The following PLXNC1 variants were observed in gnomAD, a reference collection of about 807,000 sequenced individuals.
The protein encoded by PLXNC1 is plexin-C1.
In PLXNC1, 75 loss-of-function variants were observed where a neutral mutation model predicts 178.2. That is an observed-to-expected ratio of 0.42 (90% CI 0.35 to 0.51). The LOEUF is 0.51. Among genes scored for constraint, PLXNC1 ranks in the 20% least tolerant of loss-of-function variants. PLXNC1 has a pLI of 0.02. For missense variants in PLXNC1, 1,503 were observed against 1,984.4 expected (o/e 0.76, Z 4.61); for synonymous variants, 790 against 779.9 (o/e 1.01, Z -0.22).
At chr12:94,236,431 G>A (rs75029891) in intron 9 of PLXNC1, among the ~76,000 whole-genome samples, 1,982 of 152,310 alleles carry the variant, frequency 0.013, 44 homozygotes, top group African/African-American at 0.045. Context: ...GTACAAAGGA[G>A]CAGAGGATAC....
intron 5 of PLXNC1, among the ~76,000 whole-genome samples, chr12:94,212,378 A>T (rs1459466001): frequency 6.6e-6 from 1 of 151,948 alleles, no homozygotes; most frequent in Non-Finnish European, 1.5e-5. Flanking sequence ...CACAACGTGC[A>T]GTTTTGTTAC....
rs756347136 is a variant in PLXNC1, at chr12:94,247,957, A to G, written c.2443A>G (p.Ser815Gly). The G allele has an allele frequency of 3.1e-6, 5 of 1,614,198 alleles. No individual in the cohort carries two copies. The Admixed American group carries it at 5.0e-5, about 16-fold the overall frequency. Residue 815 changes from serine (S) to glycine (G), a missense_variant, in exon 13 of 31, where the codon AGT (serine) becomes GGT (glycine). Physicochemically the swap from Ser to Gly is moderately conservative, Grantham distance 56 (BLOSUM62 0). Coordinates refer to ENST00000258526, the MANE Select transcript of PLXNC1 (RefSeq NM_005761.3). ...CGGGTTTTTAGCCCCCAGTTTAAAG[A>G]GTTCAAAAGTGCGCACGAATGTCAC... ...YCGFLAPSLK[S>G]SKVRTNVTVK...
At chr12:94,178,375 T>C (rs967899051) in intron 2 of PLXNC1, among the ~76,000 whole-genome samples, 6 of 152,368 alleles carry the variant, frequency 3.9e-5, no homozygotes, top group Admixed American at 1.3e-4. Flanking sequence ...GCTTTTGCCA[T>C]GATGAATTCC....
At chr12:94,300,553 A>AC (rs1294709627) in intron 27 of PLXNC1, among the ~76,000 whole-genome samples, 1 of 152,184 alleles carries the variant, frequency 6.6e-6, no homozygotes, top group Non-Finnish European at 1.5e-5. Flanking sequence ...CAGAGGAGAG[A>AC]CATGGTCTGA....
chr12:94,305,643 G>T lies in PLXNC1; in HGVS notation c.*358G>T, dbSNP rs1169426147. Reference sequence around the variant, plus strand: ...TGAAAACTACAGCTATGTAGCACTTGTGCTACACTGCACCTCTGCATTGTA... The same window carrying T: ...TGAAAACTACAGCTATGTAGCACTTTTGCTACACTGCACCTCTGCATTGTA... On this transcript the variant is annotated 3_prime_UTR_variant, in exon 31 of 31. Coordinates refer to ENST00000258526, the MANE Select transcript of PLXNC1 (RefSeq NM_005761.3). 1 of 180,528 alleles carries T rather than the reference G, an allele frequency of 5.5e-6. No individual in the cohort carries two copies. The highest frequency in any genetic ancestry group is 5.9e-5 in the Admixed American group (1 of 16,920). The allele number at this position is 180,528 out of a possible 1,614,324, so 11.2% of individuals were successfully genotyped here.
chr12:94,156,344 G>T (rs1390757922), intron 1 of PLXNC1, among the ~76,000 whole-genome samples: 1 of 152,118 alleles, frequency 6.6e-6, no homozygotes, highest in African/African-American at 2.4e-5. Context: ...TCCTTCCTTA[G>T]TCTCCCTGTT....
At chr12:94,179,901 A>G (rs1448835515) in intron 2 of PLXNC1, among the ~76,000 whole-genome samples, 1 of 152,178 alleles carries the variant, frequency 6.6e-6, no homozygotes, top group Non-Finnish European at 1.5e-5. Context: ...TATTAGCCCC[A>G]TTTTAGAGAT....
intron 22 of PLXNC1, among the ~76,000 whole-genome samples, chr12:94,280,481 A>AT (rs1188502899): frequency 6.6e-5 from 10 of 152,222 alleles, no homozygotes; most frequent in African/African-American, 2.4e-4. Context: ...CTAAAAGGCC[A>AT]TTGATAAAGC....
chr12:94,195,328 C>T (rs548803271), intron 4 of PLXNC1, among the ~76,000 whole-genome samples: 37 of 152,276 alleles, frequency 2.4e-4, no homozygotes, highest in Non-Finnish European at 3.7e-4. Context: ...TGTCACATCT[C>T]GTCCTGAGTC....
chr12:94,176,169 T>C (rs1962042185), intron 2 of PLXNC1, among the ~76,000 whole-genome samples: 1 of 152,240 alleles, frequency 6.6e-6, no homozygotes, highest in Non-Finnish European at 1.5e-5. Context: ...TGACTCATTG[T>C]TACTTCCTGC....
chr12:94,246,887 CAG>C (rs775805720), intron 12 of PLXNC1, among the ~76,000 whole-genome samples: 27 of 136,948 alleles, frequency 2.0e-4, no homozygotes, highest in African/African-American at 6.9e-4. Flanking sequence ...GCTCTAGTAT[CAG>C]GGGGTGGCGG....
intron 1 of PLXNC1, among the ~76,000 whole-genome samples, chr12:94,155,258 T>C (rs1273317905): frequency 2.6e-5 from 4 of 152,216 alleles, no homozygotes; most frequent in Non-Finnish European, 4.4e-5. Flanking sequence ...CTGTAGGCAG[T>C]GGTCCTTAAA....
At chr12:94,292,326 C>G (rs1229919119) in intron 23 of PLXNC1, among the ~76,000 whole-genome samples, 1 of 152,098 alleles carries the variant, frequency 6.6e-6, no homozygotes, top group African/African-American at 2.4e-5. Context: ...ACAATGGGAG[C>G]ACTTTTCAGG....
At chr12:94,292,289 G>C (rs1967416005) in intron 23 of PLXNC1, among the ~76,000 whole-genome samples, 1 of 152,180 alleles carries the variant, frequency 6.6e-6, no homozygotes, top group Admixed American at 6.5e-5. Context: ...TCTGGATGAA[G>C]ATGGGGTGGT....
At position 94,169,126 on chromosome 12, in the gene PLXNC1, T is replaced by A. The variant is rs111768702; in HGVS notation, c.1063-27T>A. ...ATTGTTGTTAAAAATTATTATTATT[T>A]TTTTGTGCGTTTGTGTGCATGTTCA... On this transcript the variant is annotated intron_variant, in intron 1 of 30. Coordinates refer to ENST00000258526, the MANE Select transcript of PLXNC1 (RefSeq NM_005761.3). 20 of 1,594,444 alleles carry A rather than the reference T, an allele frequency of 1.3e-5. No homozygotes were observed. In the East Asian group the frequency reaches 3.6e-4, roughly 29 times the overall value.
At chr12:94,215,098 A>C (rs536014274) in intron 5 of PLXNC1, among the ~76,000 whole-genome samples, 23 of 152,262 alleles carry the variant, frequency 1.5e-4, no homozygotes, top group African/African-American at 5.5e-4. Flanking sequence ...GAGTTTCACC[A>C]TGTTGGCCAG....
chr12:94,291,510 CAT>C (rs1296599527), intron 23 of PLXNC1, among the ~76,000 whole-genome samples: 2 of 152,188 alleles, frequency 1.3e-5, no homozygotes, highest in African/African-American at 4.8e-5. Flanking sequence ...GGATTACAGT[CAT>C]GAACCACTGT....
intron 6 of PLXNC1, among the ~76,000 whole-genome samples, chr12:94,220,512 C>T (rs1486315540): frequency 6.6e-6 from 1 of 152,180 alleles, no homozygotes; most frequent in Admixed American, 6.5e-5. Context: ...ATTTTAACAA[C>T]CAATGTTCCA....
At chr12:94,197,553 G>A (rs947837813) in intron 4 of PLXNC1, among the ~76,000 whole-genome samples, 1 of 151,834 alleles carries the variant, frequency 6.6e-6, no homozygotes, top group African/African-American at 2.4e-5. Flanking sequence ...ACCCTGGACT[G>A]CCCAGTCTCT....
Sources: allele counts gnomAD v4.1 joint callset (sites outside exome capture counted in the v4.1 genomes callset), GRCh38; gene constraint gnomAD v4.1.1; transcripts MANE v1.5; gene names NCBI Gene and HGNC (gene_info 2026-07-23, HGNC 2026-07-21).